VPS53: variants seen among roughly 807,000 people sequenced by gnomAD.
VPS53 encodes the protein vacuolar protein sorting-associated protein 53 homolog.
VPS53 carries 70 observed loss-of-function variants against 107.0 expected under a neutral mutation model. The ratio of observed to expected loss-of-function variants is 0.65; its 90% CI spans 0.54 to 0.80. The LOEUF (loss-of-function observed/expected upper bound fraction) is 0.80, where lower values mean the gene tolerates loss of function less well. Among genes scored for constraint, VPS53 ranks in the 30% least tolerant of loss-of-function variants. The pLI, the probability that VPS53 is intolerant of heterozygous loss-of-function variation, is 0.00. For synonymous variants in VPS53, 409 were observed against 393.3 expected (o/e 1.04, Z -0.47); for missense variants, 917 against 1,049.4 (o/e 0.87, Z 1.74).
chr17:589,838 C>T (rs996116980), intron 12 of VPS53, among the ~76,000 whole-genome samples: 2 of 152,034 alleles, frequency 1.3e-5, no homozygotes. Context: ...TCTTTTGGCT[C>T]AGGATTGACT....
At chr17:570,444 G>A (rs373356491) in intron 13 of VPS53, among the ~76,000 whole-genome samples, 8 of 150,260 alleles carry the variant, frequency 5.3e-5, no homozygotes, top group African/African-American at 1.7e-4. Flanking sequence ...TGTGCCTCCT[G>A]ATATGAATTC....
At chr17:614,625 C>A (rs1389883146) in intron 11 of VPS53, among the ~76,000 whole-genome samples, 1 of 152,176 alleles carries the variant, frequency 6.6e-6, no homozygotes, top group African/African-American at 2.4e-5. Flanking sequence ...CAAGCTGTGG[C>A]AGAGCTGGAA....
intron 13 of VPS53, among the ~76,000 whole-genome samples, chr17:578,252 C>G (rs1914820543): frequency 6.6e-6 from 1 of 152,054 alleles, no homozygotes. Context: ...CAGAGATCCT[C>G]CCTCAGAATT....
intron 17 of VPS53, chr17:537,423 G>A (rs905837611): frequency 7.0e-5 from 30 of 430,934 alleles, no homozygotes; most frequent in East Asian, 5.1e-4. Context: ...CCTTGTCCCC[G>A]ACCTGCCTGA....
rs764469335 is a variant in VPS53 at position 623,554 on chromosome 17, G to A, written c.1095C>T (p.Cys365=). 3 of 1,613,526 alleles carry A rather than the reference G, an allele frequency of 1.9e-6. No individual in the cohort carries two copies. The highest frequency in any genetic ancestry group is 1.7e-6 in the Non-Finnish European group (2 of 1,179,566). Residue 365 remains cysteine (C), a synonymous_variant, in exon 11 of 22, where the codon TGC becomes TGT. Transcript: ENST00000437048. ...TTACCAGGGTCCCATCGGTCAGGGT[G>A]CAGCCGGAGAAGCGTTTTGCAAGAA... is the stretch of plus-strand genomic sequence containing the variant. ...EGFLAKRFSG[C]TLTDGTLKKL...
chr17:598,654 C>T, intron 12 of VPS53, among the ~76,000 whole-genome samples: 1 of 145,402 alleles, frequency 6.9e-6, no homozygotes, highest in Non-Finnish European at 1.5e-5. Flanking sequence ...CCGGCCGCGA[C>T]CCGGTCTGGG....
Position 521,243 on chromosome 17 carries a change from G to C in VPS53, c.2223+358C>G, listed in dbSNP as rs530683509. ...GTGGCAGAGTACAGAAAGCCAAAAAGGCTGATGTGGAAGGGAGTAACTGAG... is the reference window on the plus strand; with the variant it reads ...GTGGCAGAGTACAGAAAGCCAAAAACGCTGATGTGGAAGGGAGTAACTGAG... On this transcript the variant is annotated intron_variant, in intron 20 of 21. Transcript: ENST00000437048. 3.9e-5 allele frequency among the ~76,000 whole-genome samples: 6 copies of C among 152,312 alleles called. No individual in the cohort carries two copies. The East Asian group carries it at 1.2e-3, about 29-fold the overall frequency.
At chr17:556,243 G>C (rs559021986) in intron 15 of VPS53, among the ~76,000 whole-genome samples, 1 of 152,050 alleles carries the variant, frequency 6.6e-6, no homozygotes, top group Non-Finnish European at 1.5e-5. Context: ...TCAAACCACC[G>C]CACTCCAGCC....
chr17:567,738 A>G (rs528572150), intron 13 of VPS53, among the ~76,000 whole-genome samples: 7 of 152,006 alleles, frequency 4.6e-5, no homozygotes, highest in Non-Finnish European at 1.0e-4. Flanking sequence ...AAAATAAACA[A>G]ATTAGTTAGG....
At chr17:629,875 C>T (rs1290625858) in intron 8 of VPS53, among the ~76,000 whole-genome samples, 1 of 150,010 alleles carries the variant, frequency 6.7e-6, no homozygotes, top group Non-Finnish European at 1.5e-5. Context: ...AAAAGGGAGG[C>T]ATGTTGTTAA....
intron 17 of VPS53, chr17:537,444 C>T: frequency 2.7e-6 from 1 of 374,208 alleles, no homozygotes; most frequent in Non-Finnish European, 4.9e-6. Flanking sequence ...AACAGCCTTC[C>T]CTTCTCAGCT....
At position 545,510 on chromosome 17, in the gene VPS53, C is replaced by T. The variant is rs546234486; in HGVS notation, c.1866+6362G>A. Among the ~76,000 whole-genome samples, 3 of 152,284 alleles carry T rather than the reference C, an allele frequency of 2.0e-5. No individual in the cohort carries two copies. The South Asian group carries it at 6.2e-4, about 32-fold the overall frequency. ...ACCCCACCGTCTCTCACAAAGTTGT[C>T]CAAGTTTCCTACTCTACATCTACCA... On this transcript the variant is annotated intron_variant, in intron 17 of 21. Coordinates refer to ENST00000437048, the MANE Select transcript of VPS53 (RefSeq NM_001128159.3).
chr17:562,441 C>T (rs1913102354), intron 14 of VPS53, 62 bp downstream of exon 14: 5 of 1,595,946 alleles, frequency 3.1e-6, no homozygotes. Flanking sequence ...GAGTGGATTT[C>T]CTTAAGATTC....
At chr17:696,569 A>G (rs940989675) in intron 4 of VPS53, among the ~76,000 whole-genome samples, 14 of 152,326 alleles carry the variant, frequency 9.2e-5, no homozygotes, top group Non-Finnish European at 1.9e-4. Flanking sequence ...CATTTCTACT[A>G]CAACAGCCAT....
intron 4 of VPS53, among the ~76,000 whole-genome samples, chr17:680,031 C>T (rs1050070802): frequency 1.4e-4 from 22 of 152,296 alleles, no homozygotes; most frequent in Middle Eastern, 3.4e-3. Flanking sequence ...CGGTGGCTCA[C>T]GCCTGTAATC....
intron 4 of VPS53, among the ~76,000 whole-genome samples, chr17:687,176 T>G (rs1442017745): frequency 1.3e-5 from 2 of 151,830 alleles, no homozygotes; most frequent in African/African-American, 4.8e-5. Context: ...TCTCAGCTAC[T>G]TGGGAGGCTG....
intron 2 of VPS53, among the ~76,000 whole-genome samples, chr17:701,534 C>T (rs534174032): frequency 1.3e-4 from 20 of 151,886 alleles, no homozygotes; most frequent in African/African-American, 4.1e-4. Context: ...CATGCCACCA[C>T]GCCCAGCTAA....
Position 517,368 on chromosome 17 carries a change from G to A in VPS53, c.*1760C>T. On this transcript the variant is annotated 3_prime_UTR_variant, in exon 22 of 22. Transcript: ENST00000437048. ...AGGATCAGAGCTGGACGGCATCGGG[G>A]AGAAAGCCTGGCAGAGAGGGCAGGG... 1 of 399,620 alleles carries A rather than the reference G, an allele frequency of 2.5e-6. No individual in the cohort carries two copies. The allele number at this position is 399,620 out of a possible 1,614,324, so 24.8% of individuals were successfully genotyped here.
Position 694,998 on chromosome 17 carries a change from C to A in VPS53, c.285+2420G>T, listed in dbSNP as rs182985436. ...GAGATTACAGGCATGAGCCATTGTG[C>A]CTGGCTCAGTTGAATAAAATGTTAT... On this transcript the variant is annotated intron_variant, in intron 4 of 21. Transcript: ENST00000437048. Among the ~76,000 whole-genome samples, 20 of 152,316 alleles carry A rather than the reference C, an allele frequency of 1.3e-4. No homozygotes were observed. In the East Asian group the frequency reaches 3.7e-3, roughly 28 times the overall value.
Sources: allele counts gnomAD v4.1 joint callset (sites outside exome capture counted in the v4.1 genomes callset), GRCh38; gene constraint gnomAD v4.1.1; transcripts MANE v1.5; gene names NCBI Gene and HGNC (gene_info 2026-07-23, HGNC 2026-07-21).